COL28A1: variants seen among roughly 807,000 people sequenced by gnomAD.
COL28A1 encodes the protein collagen type XXVIII alpha 1 chain.
Under a neutral mutation model 150.2 loss-of-function variants are expected in COL28A1, and 161 were observed. The ratio of observed to expected loss-of-function variants is 1.07; its 90% CI spans 0.94 to 1.22. The LOEUF is 1.22. COL28A1 is among the 50% of genes most tolerant of loss of function. The pLI, the probability that COL28A1 is intolerant of heterozygous loss-of-function variation, is 0.00. For missense variants in COL28A1, 1,617 were observed against 1,388.3 expected (o/e 1.16, Z -2.62); for synonymous variants, 552 against 469.7 (o/e 1.18, Z -2.26).
the COL28A1 span, among the ~76,000 whole-genome samples, chr7:7,346,594 T>G: frequency 2.6e-5 from 4 of 152,056 alleles, no homozygotes; most frequent in Non-Finnish European, 5.9e-5. Flanking sequence ...AATATGTTCA[T>G]GTCTATTTTA....
upstream of COL28A1, among the ~76,000 whole-genome samples, chr7:7,539,700 T>C (rs1475144132): frequency 6.6e-6 from 1 of 152,220 alleles, no homozygotes; most frequent in Admixed American, 6.5e-5. Flanking sequence ...CTTCAGTTCC[T>C]ATGCCCTCAC....
At chr7:7,450,858 G>A (rs1240691439) in intron 18 of COL28A1, among the ~76,000 whole-genome samples, 1 of 152,082 alleles carries the variant, frequency 6.6e-6, no homozygotes, top group Non-Finnish European at 1.5e-5. Flanking sequence ...TAATATCAAT[G>A]AATTAGAGGC....
At chr7:7,540,270 TA>T (rs1782761798), upstream of COL28A1, among the ~76,000 whole-genome samples, 1 of 152,258 alleles carries the variant, frequency 6.6e-6, no homozygotes, top group Non-Finnish European at 1.5e-5. Flanking sequence ...ATACCTTGAC[TA>T]AACTCTGCTT....
intron 25 of COL28A1, among the ~76,000 whole-genome samples, chr7:7,426,109 C>CA (rs1201548211): frequency 8.6e-5 from 13 of 152,040 alleles, no homozygotes; most frequent in Admixed American, 5.9e-4. Flanking sequence ...ACAATAAAAG[C>CA]AAATTAAATT....
At position 7,524,263 on chromosome 7, in the gene COL28A1, A is replaced by G; in HGVS notation, c.682-14T>C. 7.6e-7 allele frequency: 1 copy of G among 1,318,118 alleles called. No individual in the cohort carries two copies. The highest frequency in any genetic ancestry group is 1.1e-6 in the Non-Finnish European group (1 of 910,448). 81.7% of individuals were successfully genotyped at this position (1,318,118 alleles called of 1,614,324 possible). A position where few individuals can be genotyped will look rare whatever the true frequency, so the allele number is the denominator to read the frequency against. ...AAATAAGATATCCTACAAGGGAAAA[A>G]AGAATGAAGCATTAACTCGATTGAT... On this transcript the variant is annotated splice_polypyrimidine_tract_variant and intron_variant, in intron 3 of 34. Coordinates refer to ENST00000399429, the MANE Select transcript of COL28A1 (RefSeq NM_001037763.3).
rs771608387 is a variant in COL28A1, at chr7:7,436,457, T to C, written c.1798A>G (p.Arg600Gly). 8.3e-6 allele frequency: 11 copies of C among 1,326,778 alleles called. No individual in the cohort carries two copies. The highest frequency in any genetic ancestry group is 1.1e-5 in the Non-Finnish European group (10 of 917,838). 82.2% of individuals were successfully genotyped at this position (1,326,778 alleles called of 1,614,324 possible). The change falls in exon 23 of 35, where the codon AGA becomes GGA. Residue 600 changes from arginine (R) to glycine (G), a missense_variant. Arg to Gly is a moderately radical substitution (Grantham distance 125). Transcript: ENST00000399429. Reference protein sequence around the residue: ...IPGPPGPKGDRGGPGIPGFKG... With the variant: ...IPGPPGPKGDGGGPGIPGFKG... Reference sequence around the variant, plus strand: ...AATCCAGGTATCCCAGGTCCTCCTCTATCTCCCTGTACATTTCAAATAACA... The same window carrying C: ...AATCCAGGTATCCCAGGTCCTCCTCCATCTCCCTGTACATTTCAAATAACA...
chr7:7,486,300 G>C (rs1779619708), intron 13 of COL28A1, among the ~76,000 whole-genome samples: 1 of 152,108 alleles, frequency 6.6e-6, no homozygotes, highest in African/African-American at 2.4e-5. Flanking sequence ...TGTACCCTGT[G>C]ACCTTGCTGA....
chr7:7,533,177 G>A (rs1221464634), intron 1 of COL28A1, among the ~76,000 whole-genome samples: 1 of 152,080 alleles, frequency 6.6e-6, no homozygotes, highest in East Asian at 1.9e-4. Flanking sequence ...TGTATTTTGA[G>A]GAGCATAGAG....
At chr7:7,509,103 G>A (rs1013832808) in intron 9 of COL28A1, among the ~76,000 whole-genome samples, 3 of 151,790 alleles carry the variant, frequency 2.0e-5, no homozygotes, top group African/African-American at 7.3e-5. Context: ...AAAAGTGTTG[G>A]GATTACAGGC....
intron 27 of COL28A1, among the ~76,000 whole-genome samples, chr7:7,405,647 A>G (rs1256829448): frequency 6.6e-6 from 1 of 152,204 alleles, no homozygotes; most frequent in East Asian, 1.9e-4. Context: ...TCTAAATGTC[A>G]TCTCCTCAAA....
At chr7:7,448,632 TAAAATTTATA>T (rs1014495745) in intron 18 of COL28A1, among the ~76,000 whole-genome samples, 16 of 151,478 alleles carry the variant, frequency 1.1e-4, no homozygotes, top group African/African-American at 3.9e-4. Flanking sequence ...TTATTTATGA[TAAAATTTATA>T]AAAATTTATA....
At chr7:7,428,852 C>T (rs768873203) in intron 25 of COL28A1, among the ~76,000 whole-genome samples, 4 of 152,142 alleles carry the variant, frequency 2.6e-5, no homozygotes, top group South Asian at 4.1e-4. Context: ...AAGGTCTTGC[C>T]GAATTTGAAT....
intron 25 of COL28A1, among the ~76,000 whole-genome samples, chr7:7,423,468 G>A (rs1252382535): frequency 6.6e-6 from 1 of 152,152 alleles, no homozygotes; most frequent in Non-Finnish European, 1.5e-5. Context: ...TATTAAAACT[G>A]GGCAAAGGGG....
intron 11 of COL28A1, among the ~76,000 whole-genome samples, chr7:7,500,847 G>A (rs17168290): frequency 0.12 from 18,192 of 152,026 alleles, 1,143 homozygotes; most frequent in Middle Eastern, 0.22. Context: ...AAAAAGTAGG[G>A]TTCGGAAAAG....
intron 27 of COL28A1, among the ~76,000 whole-genome samples, chr7:7,386,339 C>T (rs34781753): frequency 0.11 from 16,019 of 152,230 alleles, 913 homozygotes; most frequent in Middle Eastern, 0.16. Flanking sequence ...GGACATCTGG[C>T]TTCTGCCAGT....
At chr7:7,539,059 G>T (rs147024597), upstream of COL28A1, among the ~76,000 whole-genome samples, 507 of 151,784 alleles carry the variant, frequency 3.3e-3, 2 homozygotes, top group African/African-American at 0.011. Context: ...AAATTTCTGG[G>T]ATTCATTATC....
At chr7:7,344,011 A>G in the COL28A1 span, among the ~76,000 whole-genome samples, 1 of 148,736 alleles carries the variant, frequency 6.7e-6, no homozygotes, top group South Asian at 2.2e-4. Flanking sequence ...ATCTTAAAAT[A>G]AAAATAAAAA....
At chr7:7,503,803 A>G (rs769266440) in intron 11 of COL28A1, among the ~76,000 whole-genome samples, 1 of 152,204 alleles carries the variant, frequency 6.6e-6, no homozygotes, top group African/African-American at 2.4e-5. Context: ...TTAAACCAGA[A>G]CTATGACTAG....
Position 7,372,970 on chromosome 7 carries a change from T to A in COL28A1, c.2908+28A>T, listed in dbSNP as rs373691136. 5.0e-6 allele frequency: 8 copies of A among 1,589,792 alleles called. No individual in the cohort carries two copies. In the South Asian group the frequency reaches 9.2e-5, roughly 18 times the overall value. ...ACTTAGAGGAACAACATAAATGCCTTTCCCCTGGGCCAGATAGCCTTCCTT... is the reference window on the plus strand; with the variant it reads ...ACTTAGAGGAACAACATAAATGCCTATCCCCTGGGCCAGATAGCCTTCCTT... On this transcript the variant is annotated intron_variant, in intron 32 of 34. Coordinates refer to ENST00000399429, the MANE Select transcript of COL28A1 (RefSeq NM_001037763.3).
Sources: allele counts gnomAD v4.1 joint callset (sites outside exome capture counted in the v4.1 genomes callset), GRCh38; gene constraint gnomAD v4.1.1; transcripts MANE v1.5; gene names NCBI Gene and HGNC (gene_info 2026-07-23, HGNC 2026-07-21).